RSRC1: variants seen among roughly 807,000 people sequenced by gnomAD.
The protein encoded by RSRC1 is serine/Arginine-related protein 53.
A neutral mutation model predicts 49.1 loss-of-function variants in RSRC1; 39 were observed. The ratio of observed to expected loss-of-function variants is 0.79; its 90% CI spans 0.61 to 1.04. The LOEUF (loss-of-function observed/expected upper bound fraction) is 1.04. Ranked by LOEUF, RSRC1 falls within the 50% of genes least tolerant of loss-of-function variation. RSRC1 has a pLI of 0.00. For synonymous variants in RSRC1, 143 were observed against 130.8 expected (o/e 1.09, Z -0.63); for missense variants, 388 against 402.4 (o/e 0.96, Z 0.31).
Position 158,476,827 on chromosome 3 carries a change from C to T in RSRC1, c.652+15824C>T, listed in dbSNP as rs1272183336. Among the ~76,000 whole-genome samples, 6 of 152,108 alleles carry T rather than the reference C, an allele frequency of 3.9e-5. No homozygotes were observed. The South Asian group carries it at 1.0e-3, about 26-fold the overall frequency. ...TTTGTGGGGCTAGAGCTGCCATAAG[C>T]GGTGATTCCTCTGATGGATCTGGCC... On this transcript the variant is annotated intron_variant, in intron 7 of 9. Transcript: ENST00000611884.
intron 5 of RSRC1, among the ~76,000 whole-genome samples, chr3:158,306,649 G>A (rs986993083): frequency 2.0e-5 from 3 of 151,840 alleles, no homozygotes; most frequent in East Asian, 3.9e-4. Context: ...ACAAATAAGC[G>A]AAGATGATTA....
intron 7 of RSRC1, among the ~76,000 whole-genome samples, chr3:158,500,531 A>G (rs560355143): frequency 6.6e-6 from 1 of 151,880 alleles, no homozygotes; most frequent in Non-Finnish European, 1.5e-5. Flanking sequence ...TACCATTTCA[A>G]TCTCACTGCT....
At chr3:158,180,397 T>C (rs1322180929) in intron 3 of RSRC1, among the ~76,000 whole-genome samples, 2,030 of 91,626 alleles carry the variant, frequency 0.022, 86 homozygotes, top group African/African-American at 0.092. Context: ...GAGGTTCTTT[T>C]TTTTTTTTTT....
chr3:158,243,673 G>A (rs1723722656), intron 4 of RSRC1, among the ~76,000 whole-genome samples: 1 of 152,116 alleles, frequency 6.6e-6, no homozygotes, highest in Non-Finnish European at 1.5e-5. Context: ...CTATCCATGA[G>A]CATGGAGTGT....
intron 4 of RSRC1, among the ~76,000 whole-genome samples, chr3:158,213,384 A>G (rs953508627): frequency 6.6e-6 from 1 of 151,918 alleles, no homozygotes; most frequent in African/African-American, 2.4e-5. Context: ...AAATCTCCAA[A>G]TGGTATCATT....
chr3:158,225,623 G>T lies in RSRC1; in HGVS notation c.494+22378G>T, dbSNP rs930821927. On this transcript the variant is annotated intron_variant, in intron 4 of 9. Coordinates refer to ENST00000611884, the MANE Select transcript of RSRC1 (RefSeq NM_001271838.2). ...ACGGATTAAAGTAGAAGCATCATAG[G>T]TATATTAATGAGTTATTTGGGACTT... is the stretch of plus-strand genomic sequence containing the variant. 13 of 435,382 alleles carry T rather than the reference G, an allele frequency of 3.0e-5. No individual in the cohort carries two copies. In the Admixed American group the frequency reaches 3.4e-4, roughly 12 times the overall value. 27.0% of individuals were successfully genotyped at this position (435,382 alleles called of 1,614,324 possible).
At position 158,460,946 on chromosome 3, in the gene RSRC1, G is replaced by T; in HGVS notation, c.595G>T (p.Glu199Ter). Residue 199 changes from glutamate (E) to a stop codon, truncating the protein, a stop_gained, in exon 7 of 10, where the codon GAA (glutamate) becomes TAA (stop). Transcript: ENST00000611884. LOFTEE classifies it high-confidence loss of function. ...TGTTTTTGTTTCAGCAAAAGCTGAT[G>T]AAGCATTGAAAGCCAAAGAAAGAAA... ...LVLEAAAKADEALKAKERNEE... is the reference protein window; with the variant it reads ...LVLEAAAKAD 1 of 1,595,726 alleles carries T rather than the reference G, an allele frequency of 6.3e-7. No individual in the cohort carries two copies. Among genetic ancestry groups the T allele is most frequent in the South Asian group, 1.1e-5 (1 of 88,622 alleles).
At chr3:158,262,980 T>C (rs1724982996) in intron 4 of RSRC1, among the ~76,000 whole-genome samples, 1 of 152,180 alleles carries the variant, frequency 6.6e-6, no homozygotes. Flanking sequence ...ATGTTGCCTG[T>C]AATAAAGACA....
chr3:158,497,186 C>T (rs1315597981), intron 7 of RSRC1, among the ~76,000 whole-genome samples: 1 of 151,950 alleles, frequency 6.6e-6, no homozygotes, highest in Admixed American at 6.6e-5. Context: ...AAACTCTATA[C>T]CCATTAAACT....
intron 4 of RSRC1, among the ~76,000 whole-genome samples, chr3:158,257,034 T>C (rs527312408): frequency 2.6e-5 from 4 of 152,212 alleles, no homozygotes; most frequent in South Asian, 4.2e-4. Flanking sequence ...CCTGGTTTCA[T>C]TGATTTTTTT....
In RSRC1 at chr3:158,474,924, G is replaced by A. The variant is rs530674916; in HGVS notation, c.652+13921G>A. 3.0e-4 allele frequency among the ~76,000 whole-genome samples: 31 copies of A among 103,294 alleles called. No homozygotes were observed. In the South Asian group the frequency reaches 8.8e-3, roughly 29 times the overall value. The allele number at this position is 103,294 out of a possible 152,430, so 67.8% of individuals were successfully genotyped here. The stretch of plus-strand genomic sequence containing the variant: ...ACAGTCGTTGTTTTGGAGGGGAGAC[G>A]GGGGTGGTTGAGATAGGGTCTTGCT... On this transcript the variant is annotated intron_variant, in intron 7 of 9. Coordinates refer to ENST00000611884, the MANE Select transcript of RSRC1 (RefSeq NM_001271838.2).
At chr3:158,311,343 A>G (rs1728111076) in intron 5 of RSRC1, among the ~76,000 whole-genome samples, 1 of 151,934 alleles carries the variant, frequency 6.6e-6, no homozygotes, top group African/African-American at 2.4e-5. Context: ...TTGGATGAAT[A>G]TTTTAAATGC....
intron 7 of RSRC1, among the ~76,000 whole-genome samples, chr3:158,531,689 G>A (rs572632553): frequency 2.0e-5 from 3 of 151,608 alleles, no homozygotes; most frequent in South Asian, 2.1e-4. Context: ...ATTTGTTCTC[G>A]GTGATATTGG....
intron 3 of RSRC1, among the ~76,000 whole-genome samples, chr3:158,132,569 G>A (rs115867230): frequency 2.0e-4 from 30 of 152,140 alleles, no homozygotes; most frequent in African/African-American, 6.5e-4. Context: ...TAAAAATTAG[G>A]TTAGTCTCTT....
chr3:158,348,182 G>A (rs1239838760), intron 5 of RSRC1, among the ~76,000 whole-genome samples: 2 of 152,138 alleles, frequency 1.3e-5, no homozygotes, highest in African/African-American at 4.8e-5. Context: ...CCTCAAAAGT[G>A]TTGTTGGCAG....
At chr3:158,116,582 T>C (rs1038099334) in intron 1 of RSRC1, among the ~76,000 whole-genome samples, 1 of 152,176 alleles carries the variant, frequency 6.6e-6, no homozygotes, top group Non-Finnish European at 1.5e-5. Flanking sequence ...CAGTGACTAC[T>C]AAGTATAATT....
At chr3:158,487,013 AGTT>A (rs1256617082) in intron 7 of RSRC1, among the ~76,000 whole-genome samples, 13 of 152,136 alleles carry the variant, frequency 8.5e-5, no homozygotes, top group Non-Finnish European at 1.2e-4. Context: ...ATCACTTGAG[AGTT>A]GTTTTTAAAA....
intron 3 of RSRC1, among the ~76,000 whole-genome samples, chr3:158,133,462 G>A (rs1251286943): frequency 6.6e-6 from 1 of 152,152 alleles, no homozygotes; most frequent in East Asian, 1.9e-4. Flanking sequence ...GACTAAATAA[G>A]ATCACAAACT....
chr3:158,505,187 G>A (rs569637302), intron 7 of RSRC1, among the ~76,000 whole-genome samples: 2 of 152,198 alleles, frequency 1.3e-5, no homozygotes, highest in African/African-American at 2.4e-5. Context: ...TTTTTATAGT[G>A]TACTCTTTTA....
Sources: gnomAD v4.1 joint callset for allele counts (sites outside exome capture counted in the v4.1 genomes callset) on GRCh38, gnomAD v4.1.1 for gene constraint, MANE v1.5 for transcripts, NCBI Gene and HGNC (gene_info 2026-07-23, HGNC 2026-07-21) for gene names.